FSTL4: variants seen among roughly 807,000 people sequenced by gnomAD.
The protein encoded by FSTL4 is follistatin like 4, also known as follistatin-related protein 4.
FSTL4 carries 28 observed loss-of-function variants against 78.2 expected under a neutral mutation model. That is an observed-to-expected ratio of 0.36 (90% CI 0.27 to 0.49). The LOEUF (loss-of-function observed/expected upper bound fraction) is 0.49, where lower values mean the gene tolerates loss of function less well. Among genes scored for constraint, FSTL4 ranks in the 20% least tolerant of loss-of-function variants. The pLI is 0.98. For missense variants in FSTL4, 922 were observed against 1,084.9 expected (o/e 0.85, Z 2.11); for synonymous variants, 422 against 440.5 (o/e 0.96, Z 0.53).
At chr5:133,209,254 T>C (rs1750625693) in intron 14 of FSTL4, among the ~76,000 whole-genome samples, 1 of 152,160 alleles carries the variant, frequency 6.6e-6, no homozygotes, top group Admixed American at 6.5e-5. Context: ...TTGTGAGTGA[T>C]GCAGAGGTGC....
At chr5:133,343,738 C>T (rs1580634944) in intron 4 of FSTL4, among the ~76,000 whole-genome samples, 1 of 152,308 alleles carries the variant, frequency 6.6e-6, no homozygotes, top group Non-Finnish European at 1.5e-5. Flanking sequence ...AGTCCTAATT[C>T]TGTATTGTCA....
chr5:133,219,237 C>A (rs1401771480), intron 12 of FSTL4, among the ~76,000 whole-genome samples: 1 of 152,164 alleles, frequency 6.6e-6, no homozygotes, highest in Non-Finnish European at 1.5e-5. Context: ...TATCTCAGAA[C>A]CTTCTCCAGC....
the FSTL4 span, among the ~76,000 whole-genome samples, chr5:133,748,846 A>AAG: frequency 6.6e-6 from 1 of 150,994 alleles, no homozygotes; most frequent in African/African-American, 2.5e-5. Flanking sequence ...AGAAGGCAGA[A>AAG]AGAGAGAGAG....
chr5:133,482,227 C>T (rs1188950321), intron 3 of FSTL4, among the ~76,000 whole-genome samples: 1 of 152,120 alleles, frequency 6.6e-6, no homozygotes, highest in Non-Finnish European at 1.5e-5. Context: ...ACTGCAATGC[C>T]AAGAAAAATA....
rs111832816 is a variant in FSTL4 at position 133,424,658 on chromosome 5, G to T, written c.161-23672C>A. ...CACTATGGCACATCTCAGGCCAAGG[G>T]AAGGCTGGTCTGGACAGGGAAGCTG... On this transcript the variant is annotated intron_variant, in intron 3 of 15. Transcript: ENST00000265342. Among the ~76,000 whole-genome samples, 468 of 152,324 alleles carry T rather than the reference G, an allele frequency of 3.1e-3. 2 individuals are homozygous for T. The highest frequency in any genetic ancestry group is 0.011 in the African/African-American group (440 of 41,574).
chr5:133,534,198 T>C (rs1281638400), intron 3 of FSTL4, among the ~76,000 whole-genome samples: 1 of 151,906 alleles, frequency 6.6e-6, no homozygotes, highest in Admixed American at 6.6e-5. Flanking sequence ...GAGTCTCCTA[T>C]GAAATAGTGG....
chr5:133,829,216 C>A, the FSTL4 span, among the ~76,000 whole-genome samples: 1 of 152,086 alleles, frequency 6.6e-6, no homozygotes, highest in African/African-American at 2.4e-5. Flanking sequence ...ACAGCGAAAC[C>A]CTGTTTCTAC....
chr5:133,828,925 G>A, the FSTL4 span, among the ~76,000 whole-genome samples: 7 of 152,206 alleles, frequency 4.6e-5, no homozygotes, highest in Non-Finnish European at 8.8e-5. Flanking sequence ...AATAGGATCT[G>A]AGTGGGGCTA....
chr5:133,600,903 ACT>A (rs1196600745), intron 2 of FSTL4, among the ~76,000 whole-genome samples: 1 of 152,176 alleles, frequency 6.6e-6, no homozygotes, highest in Non-Finnish European at 1.5e-5. Context: ...GTCTCAGGAA[ACT>A]CTGCTGGTTT....
the FSTL4 span, among the ~76,000 whole-genome samples, chr5:133,828,147 G>C: frequency 6.6e-6 from 1 of 152,164 alleles, no homozygotes; most frequent in Non-Finnish European, 1.5e-5. Flanking sequence ...AGATTCCCTA[G>C]GGGAGGACAA....
At chr5:133,349,902 G>T (rs1754786072) in intron 4 of FSTL4, among the ~76,000 whole-genome samples, 1 of 145,648 alleles carries the variant, frequency 6.9e-6, no homozygotes, top group Admixed American at 6.9e-5. Flanking sequence ...CCATAGGATG[G>T]ACTTTATGTT....
intron 8 of FSTL4, among the ~76,000 whole-genome samples, chr5:133,231,636 C>T (rs1235751868): frequency 6.6e-6 from 1 of 152,134 alleles, no homozygotes; most frequent in Non-Finnish European, 1.5e-5. Context: ...TTCACCTCTC[C>T]GGTTCAAGCA....
At chr5:133,502,483 T>C (rs1758520025) in intron 3 of FSTL4, among the ~76,000 whole-genome samples, 1 of 152,162 alleles carries the variant, frequency 6.6e-6, no homozygotes, top group South Asian at 2.1e-4. Context: ...CGAAATCTCC[T>C]GTGGAATTGC....
At chr5:133,758,034 C>T in the FSTL4 span, among the ~76,000 whole-genome samples, 2 of 152,142 alleles carry the variant, frequency 1.3e-5, no homozygotes, top group African/African-American at 4.8e-5. Flanking sequence ...TCAAGGGAGT[C>T]GGCATAGGTA....
chr5:133,726,496 C>A, the FSTL4 span, among the ~76,000 whole-genome samples: 1 of 152,194 alleles, frequency 6.6e-6, no homozygotes, highest in Non-Finnish European at 1.5e-5. Flanking sequence ...CACTCTCCTC[C>A]AGAAGATGTT....
At chr5:133,317,501 C>T (rs190960410) in intron 4 of FSTL4, among the ~76,000 whole-genome samples, 153 of 152,342 alleles carry the variant, frequency 1.0e-3, no homozygotes, top group Non-Finnish European at 1.5e-3. Flanking sequence ...CTGGAGAATA[C>T]GCATGGGCTC....
chr5:133,601,641 T>G (rs1760871254), intron 2 of FSTL4, among the ~76,000 whole-genome samples: 1 of 148,536 alleles, frequency 6.7e-6, no homozygotes, highest in African/African-American at 2.6e-5. Context: ...TGTTCTGCTC[T>G]CTGTTTTCTT....
At chr5:133,229,633 T>C (rs1751431147) in intron 8 of FSTL4, among the ~76,000 whole-genome samples, 2 of 152,254 alleles carry the variant, frequency 1.3e-5, no homozygotes, top group South Asian at 4.1e-4. Context: ...ATTGTCATTT[T>C]GCTATATCAG....
intron 6 of FSTL4, among the ~76,000 whole-genome samples, chr5:133,308,876 C>CA (rs1345612841): frequency 6.6e-6 from 1 of 152,190 alleles, no homozygotes; most frequent in Non-Finnish European, 1.5e-5. Context: ...GACCTTCACA[C>CA]GTGAAGCCCT....
Sources: gnomAD v4.1 joint callset for allele counts (sites outside exome capture counted in the v4.1 genomes callset) on GRCh38, gnomAD v4.1.1 for gene constraint, MANE v1.5 for transcripts, NCBI Gene and HGNC (gene_info 2026-07-23, HGNC 2026-07-21) for gene names.